ROBO2: variants seen among roughly 807,000 people sequenced by gnomAD.
ROBO2 encodes the protein roundabout homolog 2.
A neutral mutation model predicts 160.8 loss-of-function variants in ROBO2; 53 were observed. The observed-to-expected ratio is 0.33, with a 90% CI of 0.26 to 0.41. ROBO2 has a LOEUF of 0.41. Ranked by LOEUF, ROBO2 falls within the 10% of genes least tolerant of loss-of-function variation. The pLI is 1.00. For synonymous variants in ROBO2, 664 were observed against 611.7 expected, an observed-to-expected ratio of 1.09 and a Z score of -1.26; for missense variants, 1,577 against 1,722.4, an observed-to-expected ratio of 0.92 and a Z score of 1.49.
At position 76,034,265 on chromosome 3, in the gene ROBO2, G is replaced by A. The variant is rs554703619; in HGVS notation, c.109+96663G>A. On this transcript the variant is annotated intron_variant, in intron 2 of 26. Coordinates refer to the ROBO2 transcript ENST00000487694. ...TTATTTCCTGAAGGAAAAAAAATAT[G>A]TATCTGCTCGTTTGTGGTTATAATG... 1.3e-3 allele frequency among the ~76,000 whole-genome samples: 197 copies of A among 152,310 alleles called. 1 individual carries two copies. The highest frequency in any genetic ancestry group is 1.4e-3 in the Non-Finnish European group (96 of 68,020).
chr3:77,184,145 A>G (rs971190667), intron 2 of ROBO2, among the ~76,000 whole-genome samples: 1 of 152,086 alleles, frequency 6.6e-6, no homozygotes, highest in African/African-American at 2.4e-5. Context: ...CTGCTGGACA[A>G]CATAACCTGA....
chr3:77,610,511 T>G (rs1196187510), intron 21 of ROBO2, among the ~76,000 whole-genome samples: 5 of 151,626 alleles, frequency 3.3e-5, no homozygotes, highest in Non-Finnish European at 7.4e-5. Flanking sequence ...CTTGTAGAAG[T>G]TAAGTTTTGA....
intron 2 of ROBO2, among the ~76,000 whole-genome samples, chr3:77,033,829 A>T: frequency 6.6e-6 from 1 of 152,224 alleles, no homozygotes; most frequent in East Asian, 1.9e-4. Context: ...TGGCAAATAT[A>T]TATTAGATGA....
At chr3:75,987,575 C>T (rs2065449469) in intron 2 of ROBO2, among the ~76,000 whole-genome samples, 2 of 151,918 alleles carry the variant, frequency 1.3e-5, no homozygotes, top group Admixed American at 1.3e-4. Context: ...CTGGTTAGGA[C>T]TTTCAGTATT....
chr3:76,459,849 C>A (rs772835929), intron 2 of ROBO2, among the ~76,000 whole-genome samples: 4 of 152,044 alleles, frequency 2.6e-5, no homozygotes, highest in Admixed American at 1.3e-4. Context: ...ATAAAAGGAT[C>A]ACTTAAGTTC....
intron 2 of ROBO2, among the ~76,000 whole-genome samples, chr3:76,139,491 A>G (rs1277367126): frequency 6.6e-6 from 1 of 152,040 alleles, no homozygotes; most frequent in African/African-American, 2.4e-5. Context: ...TTCCACATTT[A>G]AATTTATCTT....
intron 2 of ROBO2, chr3:77,316,859 G>T: frequency 8.4e-7 from 1 of 1,192,350 alleles, no homozygotes; most frequent in Non-Finnish European, 1.3e-6. Flanking sequence ...TGCAGGGTCT[G>T]AGTGTATCCT....
At chr3:75,996,413 A>G (rs2065727085) in intron 2 of ROBO2, among the ~76,000 whole-genome samples, 1 of 152,116 alleles carries the variant, frequency 6.6e-6, no homozygotes, top group African/African-American at 2.4e-5. Flanking sequence ...GACTTCCTCC[A>G]TGATTGTAAG....
chr3:76,060,275 C>G (rs1016458497), intron 2 of ROBO2, among the ~76,000 whole-genome samples: 2 of 147,900 alleles, frequency 1.4e-5, no homozygotes, highest in Non-Finnish European at 3.0e-5. Flanking sequence ...AGCATTTTCA[C>G]ACAGAGACCT....
intron 2 of ROBO2, among the ~76,000 whole-genome samples, chr3:77,394,064 A>C (rs2075015879): frequency 6.6e-6 from 1 of 152,138 alleles, no homozygotes; most frequent in Admixed American, 6.6e-5. Context: ...CCCAAATCTC[A>C]GGGAATTTGT....
chr3:77,303,693 C>A (rs1335923406), intron 2 of ROBO2, among the ~76,000 whole-genome samples: 1 of 151,878 alleles, frequency 6.6e-6, no homozygotes, highest in African/African-American at 2.4e-5. Flanking sequence ...CAATTGTATT[C>A]ATCATTACAC....
At chr3:76,115,296 G>A (rs527347895) in intron 2 of ROBO2, among the ~76,000 whole-genome samples, 21 of 152,112 alleles carry the variant, frequency 1.4e-4, no homozygotes, top group African/African-American at 4.8e-4. Context: ...AAATGAATGT[G>A]GCAACAGCAG....
At chr3:76,674,099 A>G (rs2092342576) in intron 2 of ROBO2, among the ~76,000 whole-genome samples, 1 of 152,118 alleles carries the variant, frequency 6.6e-6, no homozygotes, top group Admixed American at 6.6e-5. Context: ...AATTTCAATC[A>G]GAGATAACTC....
At chr3:76,012,345 G>A (rs935039712) in intron 2 of ROBO2, among the ~76,000 whole-genome samples, 3 of 152,074 alleles carry the variant, frequency 2.0e-5, no homozygotes, top group African/African-American at 4.8e-5. Context: ...TATGCCTTTA[G>A]TATATTAAAA....
chr3:77,295,937 T>G (rs1276361064), intron 2 of ROBO2, among the ~76,000 whole-genome samples: 1 of 104,158 alleles, frequency 9.6e-6, no homozygotes. Context: ...TAAAGTAAAA[T>G]TGATGGTTAA....
chr3:77,419,518 G>A (rs1192753705), intron 2 of ROBO2, among the ~76,000 whole-genome samples: 2 of 152,214 alleles, frequency 1.3e-5, no homozygotes, highest in East Asian at 1.9e-4. Flanking sequence ...GCATAAATAT[G>A]AAATGATAGT....
chr3:77,432,622 T>C (rs955353106), intron 2 of ROBO2, among the ~76,000 whole-genome samples: 2 of 152,188 alleles, frequency 1.3e-5, no homozygotes, highest in Non-Finnish European at 2.9e-5. Flanking sequence ...CTATGGCTGC[T>C]TTGGGGCCAC....
At chr3:77,392,018 G>A (rs1172698691) in intron 2 of ROBO2, among the ~76,000 whole-genome samples, 1 of 152,104 alleles carries the variant, frequency 6.6e-6, no homozygotes, top group African/African-American at 2.4e-5. Context: ...GGAAGAAACT[G>A]CATTGTGAAA....
chr3:76,144,793 C>T (rs1332684026), intron 2 of ROBO2, among the ~76,000 whole-genome samples: 1 of 151,846 alleles, frequency 6.6e-6, no homozygotes, highest in East Asian at 1.9e-4. Context: ...AAATTAGACA[C>T]GAAATATTGA....
Sources: allele counts gnomAD v4.1 joint callset (sites outside exome capture counted in the v4.1 genomes callset), GRCh38; gene constraint gnomAD v4.1.1; transcripts MANE v1.5; gene names NCBI Gene and HGNC (gene_info 2026-07-23, HGNC 2026-07-21).